APBB2: variants seen among roughly 807,000 people sequenced by gnomAD.
APBB2 encodes the protein amyloid beta precursor protein binding family B member 2, also known as Fe65-like 1.
In APBB2, 38 loss-of-function variants were observed where a neutral mutation model predicts 82.5. The ratio of observed to expected loss-of-function variants is 0.46; its 90% CI spans 0.36 to 0.60. The LOEUF is 0.60. Ranked by LOEUF, APBB2 falls within the 20% of genes least tolerant of loss-of-function variation. APBB2 has a pLI of 0.00. For synonymous variants in APBB2, 341 were observed against 368.2 expected (o/e 0.93, Z 0.85); for missense variants, 772 against 972.3 (o/e 0.79, Z 2.74).
chr4:41,200,853 A>G (rs1021361787), intron 1 of APBB2, among the ~76,000 whole-genome samples: 1 of 152,160 alleles, frequency 6.6e-6, no homozygotes, highest in Non-Finnish European at 1.5e-5. Flanking sequence ...TGTTTTAAGA[A>G]AATATTCAGG....
At chr4:40,988,490 T>C (rs1801013420) in intron 6 of APBB2, among the ~76,000 whole-genome samples, 1 of 151,348 alleles carries the variant, frequency 6.6e-6, no homozygotes, top group Non-Finnish European at 1.5e-5. Context: ...ACAAAAAAAT[T>C]AGCCAGGCAT....
chr4:41,138,732 A>C (rs1420736418), intron 2 of APBB2, among the ~76,000 whole-genome samples: 1 of 152,184 alleles, frequency 6.6e-6, no homozygotes, highest in Non-Finnish European at 1.5e-5. Flanking sequence ...CATCACACTC[A>C]AGTTTTCAAA....
At chr4:40,940,467 G>C (rs2154378324) in intron 7 of APBB2, among the ~76,000 whole-genome samples, 1 of 152,304 alleles carries the variant, frequency 6.6e-6, no homozygotes, top group Middle Eastern at 3.4e-3. Flanking sequence ...CCTGCTCCAA[G>C]ATTCCTTCCA....
chr4:40,880,349 G>A (rs1418240654), intron 12 of APBB2: 3 of 985,226 alleles, frequency 3.0e-6, no homozygotes, highest in Non-Finnish European at 3.6e-6. Context: ...GGACTCCCCA[G>A]GAAACCAAAA....
In APBB2 at chr4:40,872,107, C is replaced by T. The variant is rs551744879; in HGVS notation, c.1529+18257G>A. On this transcript the variant is annotated intron_variant, in intron 12 of 17. Transcript: ENST00000508593. ...ATGAAATGTGAGCAAAAGCGCTAAG[C>T]ATCATTTCCAGCAGAAATGTTCAGT... 2.6e-5 allele frequency among the ~76,000 whole-genome samples: 4 copies of T among 152,374 alleles called. No homozygotes were observed. In the South Asian group the frequency reaches 8.3e-4, roughly 32 times the overall value.
At position 41,144,728 on chromosome 4, in the gene APBB2, C is replaced by T. The variant is rs560752462; in HGVS notation, c.-416-1586G>A. The stretch of plus-strand genomic sequence containing the variant: ...AAATAAAAAATTCTTTTTTACTCTG[C>T]AAACTTGCCACAGACAGAGAACCAT... On this transcript the variant is annotated intron_variant, in intron 1 of 17. Coordinates refer to ENST00000508593, the MANE Select transcript of APBB2 (RefSeq NM_004307.2). Among the ~76,000 whole-genome samples, 58 of 152,376 alleles carry T rather than the reference C, an allele frequency of 3.8e-4. No individual in the cohort carries two copies. The South Asian group carries it at 0.012, about 31-fold the overall frequency.
intron 1 of APBB2, among the ~76,000 whole-genome samples, chr4:41,153,484 C>G (rs574989633): frequency 6.6e-6 from 1 of 152,258 alleles, no homozygotes; most frequent in Non-Finnish European, 1.5e-5. Flanking sequence ...TACCAGTGAC[C>G]CTTCTCTTTC....
intron 1 of APBB2, among the ~76,000 whole-genome samples, chr4:41,148,941 T>C (rs1761506686): frequency 6.6e-6 from 1 of 152,240 alleles, no homozygotes; most frequent in South Asian, 2.1e-4. Flanking sequence ...ATGCTACGTC[T>C]GCTTCAATAC....
intron 12 of APBB2, among the ~76,000 whole-genome samples, chr4:40,877,751 A>C (rs1375030826): frequency 6.6e-6 from 1 of 152,226 alleles, no homozygotes; most frequent in African/African-American, 2.4e-5. Context: ...TGCTTCCAAC[A>C]AATTCACTCA....
chr4:41,091,508 A>G (rs1221582138), intron 3 of APBB2, among the ~76,000 whole-genome samples: 2 of 152,186 alleles, frequency 1.3e-5, no homozygotes, highest in Non-Finnish European at 2.9e-5. Flanking sequence ...CAAACAAGAC[A>G]CTGTGGCCTT....
At chr4:41,205,546 T>A (rs890674920) in intron 1 of APBB2, among the ~76,000 whole-genome samples, 1 of 151,786 alleles carries the variant, frequency 6.6e-6, no homozygotes, top group Non-Finnish European at 1.5e-5. Context: ...GATGAGACAA[T>A]GGGAAATAAA....
chr4:41,023,507 C>T (rs185255889), intron 5 of APBB2, among the ~76,000 whole-genome samples: 1 of 152,188 alleles, frequency 6.6e-6, no homozygotes, highest in African/African-American at 2.4e-5. Context: ...AATCAGTGTA[C>T]AAAAATCACT....
At chr4:40,976,088 T>C (rs902199351) in intron 6 of APBB2, among the ~76,000 whole-genome samples, 1 of 152,212 alleles carries the variant, frequency 6.6e-6, no homozygotes, top group African/African-American at 2.4e-5. Flanking sequence ...AGTATGAAGA[T>C]TTATACAAAC....
chr4:40,840,290 G>A (rs1206027978), intron 12 of APBB2, among the ~76,000 whole-genome samples: 1 of 152,188 alleles, frequency 6.6e-6, no homozygotes, highest in African/African-American at 2.4e-5. Context: ...ACAAAAATGT[G>A]GGTTGTTGAC....
At chr4:40,968,582 C>A (rs997912186) in intron 6 of APBB2, among the ~76,000 whole-genome samples, 1 of 152,142 alleles carries the variant, frequency 6.6e-6, no homozygotes, top group Non-Finnish European at 1.5e-5. Context: ...CCTCTCTTTG[C>A]CATCTCATTT....
At chr4:40,882,383 G>T (rs573006624) in intron 12 of APBB2, among the ~76,000 whole-genome samples, 24 of 152,278 alleles carry the variant, frequency 1.6e-4, no homozygotes, top group African/African-American at 5.5e-4. Flanking sequence ...AGGCTTGAAG[G>T]AGGGACCCCA....
intron 17 of APBB2, among the ~76,000 whole-genome samples, chr4:40,818,114 A>G (rs1261019740): frequency 6.6e-6 from 1 of 152,250 alleles, no homozygotes; most frequent in African/African-American, 2.4e-5. Context: ...AATTAAGCAG[A>G]TTCAAAAGAA....
At chr4:41,060,294 TG>T (rs1340693023) in intron 4 of APBB2, among the ~76,000 whole-genome samples, 1 of 152,256 alleles carries the variant, frequency 6.6e-6, no homozygotes, top group Non-Finnish European at 1.5e-5. Flanking sequence ...GAACCATGTG[TG>T]TTGGAAAACA....
chr4:40,819,506 T>C (rs1747069098), intron 17 of APBB2, among the ~76,000 whole-genome samples: 1 of 151,848 alleles, frequency 6.6e-6, no homozygotes. Flanking sequence ...TTTATCTACC[T>C]CCATTTTCCA....
Sources: gnomAD v4.1 joint callset for allele counts (sites outside exome capture counted in the v4.1 genomes callset) on GRCh38, gnomAD v4.1.1 for gene constraint, MANE v1.5 for transcripts, NCBI Gene and HGNC (gene_info 2026-07-23, HGNC 2026-07-21) for gene names.